RAD9B: variants seen among roughly 807,000 people sequenced by gnomAD.
RAD9B encodes RAD9 checkpoint clamp component B.
RAD9B carries 41 observed loss-of-function variants against 48.3 expected under a neutral mutation model. The ratio of observed to expected loss-of-function variants is 0.85; its 90% CI spans 0.66 to 1.10. The LOEUF is 1.10. RAD9B is among the 50% of genes least tolerant of loss of function. The probability of loss-of-function intolerance (pLI) is 0.00; values close to 1 mark genes in which losing one functional copy is unlikely to be tolerated. For missense variants in RAD9B, 444 were observed against 485.1 expected, an observed-to-expected ratio of 0.92 and a Z score of 0.80; for synonymous variants, 160 against 157.9, an observed-to-expected ratio of 1.01 and a Z score of -0.10.
chr12:110,530,530 T>G lies in RAD9B; in HGVS notation c.1131T>G (p.Ser377=). The G allele has an allele frequency of 6.2e-7, 1 of 1,613,704 alleles. No homozygotes were observed. The highest frequency in any genetic ancestry group is 8.5e-7 in the Non-Finnish European group (1 of 1,179,802). ...VPGSLCLRKF[S]CMFFGAVSSD... ...AGTTCCTTTTTTCCCTCCAGTTTTCTTGCATGTTCTTTGGAGCAGTTTCTT... is the reference window on the plus strand; with the variant it reads ...AGTTCCTTTTTTCCCTCCAGTTTTCGTGCATGTTCTTTGGAGCAGTTTCTT... The change falls in exon 11 of 11, where the codon TCT becomes TCG. Residue 377 remains serine (S), a synonymous_variant. Transcript: ENST00000409300.
At chr12:110,511,669 G>C (rs1219554054) in intron 4 of RAD9B, 1 of 225,776 alleles carries the variant, frequency 4.4e-6, no homozygotes, top group Non-Finnish European at 9.5e-6. Flanking sequence ...GCAGAGTAGG[G>C]TGACTATAAG....
In RAD9B at chr12:110,532,538, T is replaced by A. The variant is rs1252343332; in HGVS notation, c.*1885T>A. 2.0e-5 allele frequency among the ~76,000 whole-genome samples: 3 copies of A among 152,202 alleles called. No individual in the cohort carries two copies. Among genetic ancestry groups the A allele is most frequent in the Non-Finnish European group, 4.4e-5 (3 of 68,034 alleles). Reference sequence around the variant, plus strand: ...CTGGGCAACATGGTGAGATCCCATCTCTACAAAAATTAGCTGGGCACTTTG... The same window carrying A: ...CTGGGCAACATGGTGAGATCCCATCACTACAAAAATTAGCTGGGCACTTTG... On this transcript the variant is annotated 3_prime_UTR_variant, in exon 11 of 11. Coordinates refer to ENST00000409300, the MANE Select transcript of RAD9B (RefSeq NM_001286535.2).
intron 2 of RAD9B, among the ~76,000 whole-genome samples, chr12:110,504,673 A>C (rs1313007785): frequency 6.6e-6 from 1 of 151,868 alleles, no homozygotes; most frequent in Non-Finnish European, 1.5e-5. Context: ...ACTCCCTTAT[A>C]TATTGCCTTT....
chr12:110,509,965 A>G (rs1221311339), intron 4 of RAD9B, among the ~76,000 whole-genome samples: 1 of 152,112 alleles, frequency 6.6e-6, no homozygotes, highest in Non-Finnish European at 1.5e-5. Context: ...ACTTGAAAAT[A>G]TTTTTTAAAT....
At chr12:110,523,502 AGT>A (rs2135722725) in intron 10 of RAD9B, among the ~76,000 whole-genome samples, 1 of 152,312 alleles carries the variant, frequency 6.6e-6, no homozygotes, top group East Asian at 1.9e-4. Context: ...AACTGGACTT[AGT>A]TTGATACCAT....
At chr12:110,521,588 G>A (rs1397663076) in intron 9 of RAD9B, among the ~76,000 whole-genome samples, 2 of 132,402 alleles carry the variant, frequency 1.5e-5, no homozygotes, top group African/African-American at 5.8e-5. Context: ...TCAGAGTCTC[G>A]CTTTGTCACC....
Position 110,522,376 on chromosome 12 carries a change from A to T in RAD9B, c.1090A>T (p.Thr364Ser), listed in dbSNP as rs781757732. 22 of 1,612,632 alleles carry T rather than the reference A, an allele frequency of 1.4e-5. No homozygotes were observed. In the Admixed American group the frequency reaches 3.3e-4, roughly 25 times the overall value. Residue 364 changes from threonine to serine, a missense_variant, in exon 10 of 11, where the codon ACA becomes TCA. By Grantham distance (58) the Thr-to-Ser change is moderately conservative (BLOSUM62 1). Coordinates refer to ENST00000409300, the MANE Select transcript of RAD9B (RefSeq NM_001286535.2). ...AGTATCAGAAAGCAGTGTCAGCAAC[A>T]CAGAGGAAGTGCCAGGGTCTCTGTG... ...SEVSESSVSN[T>S]EEVPGSLCLR...
intron 4 of RAD9B, chr12:110,511,399 T>C (rs1047614212): frequency 9.5e-6 from 4 of 420,434 alleles, no homozygotes; most frequent in African/African-American, 2.0e-5. Context: ...TATTTGGCCA[T>C]AAAAATAATG....
intron 4 of RAD9B, chr12:110,511,619 C>A: frequency 7.2e-6 from 2 of 279,638 alleles, no homozygotes; most frequent in South Asian, 2.9e-5. Flanking sequence ...TAGGTACAAA[C>A]ATACAGTTAG....
chr12:110,505,720 G>A lies in RAD9B; in HGVS notation c.221G>A (p.Ser74Asn). 1 of 1,610,478 alleles carries A rather than the reference G, an allele frequency of 6.2e-7. No individual in the cohort carries two copies. The highest frequency in any genetic ancestry group is 1.1e-5 in the South Asian group (1 of 90,164). ...HYQWSALVKM[S>N]ENELDTTLHL... ...CAATGGTCAGCTTTAGTGAAAATGAGTGAAAATGAACTTGACACAACACTG... is the reference window on the plus strand; with the variant it reads ...CAATGGTCAGCTTTAGTGAAAATGAATGAAAATGAACTTGACACAACACTG... The change falls in exon 3 of 11, where the codon AGT (serine) becomes AAT (asparagine). Residue 74 changes from serine (S) to asparagine (N), a missense_variant. Coordinates refer to ENST00000409300, the MANE Select transcript of RAD9B (RefSeq NM_001286535.2).
rs199608072 is a variant in RAD9B, at chr12:110,521,984, TGAAA to T, written c.891-190_891-187del. Among the ~76,000 whole-genome samples the T allele has an allele frequency of 6.6e-3, 1,008 of 152,342 alleles. 3 individuals carry two copies. Among genetic ancestry groups the T allele is most frequent in the Non-Finnish European group, 0.011 (716 of 68,028 alleles). On this transcript the variant is annotated intron_variant, in intron 9 of 10. Transcript: ENST00000409300. The stretch of plus-strand genomic sequence containing the variant: ...TTCTATGCACAATGAGTTGCTTTAC[TGAAA>T]GATTGTCTGTCAAGAGAATTTATAA...
At chr12:110,526,754 A>G (rs556333060) in intron 10 of RAD9B, among the ~76,000 whole-genome samples, 2 of 152,104 alleles carry the variant, frequency 1.3e-5, no homozygotes, top group Admixed American at 1.3e-4. Flanking sequence ...CTAAAAATAC[A>G]AAAAACTAGC....
chr12:110,508,954 C>A (rs1020642398), intron 4 of RAD9B, among the ~76,000 whole-genome samples: 3 of 151,974 alleles, frequency 2.0e-5, no homozygotes, highest in Admixed American at 1.3e-4. Flanking sequence ...GCCACCATAC[C>A]TGGCTAATTT....
chr12:110,516,897 T>C (rs1485898742), intron 6 of RAD9B, among the ~76,000 whole-genome samples: 3 of 151,954 alleles, frequency 2.0e-5, no homozygotes, highest in African/African-American at 7.3e-5. Context: ...TTGAAGAAAA[T>C]TAAAAATACA....
At chr12:110,529,093 T>C (rs180679112) in intron 10 of RAD9B, among the ~76,000 whole-genome samples, 1 of 151,924 alleles carries the variant, frequency 6.6e-6, no homozygotes, top group Non-Finnish European at 1.5e-5. Context: ...TGTAGACAGC[T>C]CTACAATTAG....
In RAD9B at chr12:110,530,687, GTGAC is replaced by G; in HGVS notation, c.*37_*40del. On this transcript the variant is annotated 3_prime_UTR_variant, in exon 11 of 11. Transcript: ENST00000409300. ...GATGGCTGAGCTGGGCCCCAGCCCAGTGACTGGCTCATTTGCCCCTCAAGCACGA... is the reference window on the plus strand; with the variant it reads ...GATGGCTGAGCTGGGCCCCAGCCCAGTGGCTCATTTGCCCCTCAAGCACGA... The G allele has an allele frequency of 1.2e-6, 2 of 1,611,672 alleles. No homozygotes were observed. The highest frequency in any genetic ancestry group is 1.7e-6 in the Non-Finnish European group (2 of 1,178,594).
In RAD9B at chr12:110,522,206, A is replaced by G. The variant is rs1322839442; in HGVS notation, c.920A>G (p.Lys307Arg). 1 of 1,596,446 alleles carries G rather than the reference A, an allele frequency of 6.3e-7. No homozygotes were observed. The highest frequency in any genetic ancestry group is 8.5e-7 in the Non-Finnish European group (1 of 1,171,530). ...RSDLIEKKAG[K>R]NVTGQALECI... is the part of the protein sequence containing the mutation. ...GATCTGATTGAAAAAAAGGCTGGCA[A>G]AAATGTAACTGGCCAGGCCCTGGAA... Residue 307 changes from lysine (K) to arginine (R), a missense_variant, in exon 10 of 11, where the codon AAA (lysine) becomes AGA (arginine). By Grantham distance (26) the Lys-to-Arg change is conservative. Transcript: ENST00000409300.
At chr12:110,503,763 TAGAG>T in intron 1 of RAD9B, 39 bp from the exon 2 acceptor site, 1 of 1,407,354 alleles carries the variant, frequency 7.1e-7, no homozygotes, top group Non-Finnish European at 1.0e-6. Context: ...TTTTTATTGT[TAGAG>T]GGAAAGAATA....
In RAD9B at chr12:110,503,886, A is replaced by C; in HGVS notation, c.117+10A>C. The C allele has an allele frequency of 6.6e-7, 1 of 1,525,038 alleles. No homozygotes were observed. The highest frequency in any genetic ancestry group is 8.8e-7 in the Non-Finnish European group (1 of 1,130,908). The allele number at this position is 1,525,038 out of a possible 1,614,324, so 94.5% of individuals were successfully genotyped here. On this transcript the variant is annotated intron_variant, in intron 2 of 10. Transcript: ENST00000409300. ...CCCATCTAAAAAAGGTGTAAGTAAG[A>C]AAGTTAACAGATCACGTATCAAGGC...
Sources: gnomAD v4.1 joint callset for allele counts (sites outside exome capture counted in the v4.1 genomes callset) on GRCh38, gnomAD v4.1.1 for gene constraint, MANE v1.5 for transcripts, NCBI Gene and HGNC (gene_info 2026-07-23, HGNC 2026-07-21) for gene names.